The following SLC44A5 variants were observed in gnomAD, a reference collection of about 807,000 sequenced individuals.
The protein encoded by SLC44A5 is solute carrier family 44 member 5, also known as choline transporter-like protein 5.
SLC44A5 carries 57 observed loss-of-function variants against 101.8 expected under a neutral mutation model. The ratio of observed to expected loss-of-function variants is 0.56; its 90% CI spans 0.45 to 0.70. The LOEUF (loss-of-function observed/expected upper bound fraction) is 0.70, where lower values mean the gene tolerates loss of function less well. Ranked by LOEUF, SLC44A5 falls within the 30% of genes least tolerant of loss-of-function variation. The probability of loss-of-function intolerance (pLI) is 0.00; values close to 1 mark genes in which losing one functional copy is unlikely to be tolerated. For missense variants in SLC44A5, 737 were observed against 853.1 expected, an observed-to-expected ratio of 0.86 and a Z score of 1.70; for synonymous variants, 281 against 290.9, an observed-to-expected ratio of 0.97 and a Z score of 0.35.
At chr1:75,263,814 G>A (rs537927557) in intron 6 of SLC44A5, among the ~76,000 whole-genome samples, 9 of 152,176 alleles carry the variant, frequency 5.9e-5, no homozygotes, top group Non-Finnish European at 1.3e-4. Context: ...AAAAGGATGA[G>A]CTCATGTCCT....
intron 1 of SLC44A5, among the ~76,000 whole-genome samples, chr1:75,606,588 A>T (rs1180083577): frequency 6.6e-6 from 1 of 151,834 alleles, no homozygotes; most frequent in East Asian, 1.9e-4. Context: ...AACCCTTCAA[A>T]ACAGTTAACT....
At chr1:75,439,397 A>G (rs549167609) in intron 2 of SLC44A5, among the ~76,000 whole-genome samples, 1 of 152,272 alleles carries the variant, frequency 6.6e-6, no homozygotes, top group South Asian at 2.1e-4. Flanking sequence ...AAACTTTTAT[A>G]AATTAAAAAC....
Position 75,535,077 on chromosome 1 carries a change from T to C in SLC44A5, c.13+6358A>G, listed in dbSNP as rs976070568. Among the ~76,000 whole-genome samples the C allele has an allele frequency of 1.6e-4, 25 of 152,040 alleles. No homozygotes were observed. The South Asian group carries it at 5.0e-3, about 30-fold the overall frequency. ...CTTACTATAATTGAAGCTGCTTTTTTTTTTTTTTTTTTAAAGAAAAATCAT... is the reference window on the plus strand; with the variant it reads ...CTTACTATAATTGAAGCTGCTTTTTCTTTTTTTTTTTTAAAGAAAAATCAT... On this transcript the variant is annotated intron_variant, in intron 2 of 23. Coordinates refer to ENST00000370859, the MANE Select transcript of SLC44A5 (RefSeq NM_001130058.2).
chr1:75,466,481 C>G (rs1386269692), intron 2 of SLC44A5, among the ~76,000 whole-genome samples: 1 of 151,772 alleles, frequency 6.6e-6, no homozygotes, highest in Non-Finnish European at 1.5e-5. Context: ...ATAGTGAAAC[C>G]CTGTCTCTAC....
At chr1:75,424,334 C>A (rs576275274) in intron 2 of SLC44A5, among the ~76,000 whole-genome samples, 1 of 152,114 alleles carries the variant, frequency 6.6e-6, no homozygotes, top group Non-Finnish European at 1.5e-5. Context: ...GAGATGGAGT[C>A]TCGCTCTGTC....
chr1:75,504,319 G>A (rs369121051), intron 2 of SLC44A5, among the ~76,000 whole-genome samples: 4 of 152,088 alleles, frequency 2.6e-5, no homozygotes, highest in African/African-American at 9.7e-5. Flanking sequence ...TAGTAATTGG[G>A]AAGGGGCATT....
chr1:75,582,375 A>C, intron 1 of SLC44A5: 2 of 915,610 alleles, frequency 2.2e-6, no homozygotes, highest in Non-Finnish European at 1.7e-6. Context: ...CACAAGCTCC[A>C]TCGACTTGCC....
At chr1:75,434,027 C>A (rs1664754943) in intron 2 of SLC44A5, among the ~76,000 whole-genome samples, 1 of 151,934 alleles carries the variant, frequency 6.6e-6, no homozygotes, top group Non-Finnish European at 1.5e-5. Context: ...TCCAACTGGG[C>A]CCCTCCCGCA....
intron 5 of SLC44A5, among the ~76,000 whole-genome samples, chr1:75,281,636 G>GCCACCCCCCC (rs1652571453): frequency 4.0e-5 from 2 of 49,458 alleles, no homozygotes; most frequent in African/African-American, 1.1e-4. Flanking sequence ...CTGGTGCCAG[G>GCCACCCCCCC]CCCCCCCCCC....
chr1:75,698,472 G>A, the SLC44A5 span, among the ~76,000 whole-genome samples: 1 of 152,146 alleles, frequency 6.6e-6, no homozygotes, highest in Non-Finnish European at 1.5e-5. Flanking sequence ...CTAACAAACA[G>A]AAAGGGTATC....
chr1:75,345,937 G>A (rs1201739308), intron 3 of SLC44A5, among the ~76,000 whole-genome samples: 1 of 152,162 alleles, frequency 6.6e-6, no homozygotes. Flanking sequence ...ATGCCTGGCT[G>A]AGGCTGTAGC....
At chr1:75,716,051 T>C in the SLC44A5 span, among the ~76,000 whole-genome samples, 3 of 152,106 alleles carry the variant, frequency 2.0e-5, no homozygotes, top group African/African-American at 4.8e-5. Flanking sequence ...CCAACAAGCA[T>C]ATGAAAAAAT....
At chr1:75,570,154 A>G (rs1437730499) in intron 1 of SLC44A5, among the ~76,000 whole-genome samples, 1 of 152,232 alleles carries the variant, frequency 6.6e-6, no homozygotes, top group Non-Finnish European at 1.5e-5. Context: ...AGCAAGCTCT[A>G]CATCCAGACA....
chr1:75,641,850 C>A, the SLC44A5 span: 2 of 1,509,918 alleles, frequency 1.3e-6, no homozygotes, highest in African/African-American at 2.8e-5. Flanking sequence ...ATAACCTCCT[C>A]TTCAAATACC....
In SLC44A5 at chr1:75,214,639, C is replaced by T. The variant is rs754303886; in HGVS notation, c.1768G>A (p.Asp590Asn). ...TTTCTCATCAGCAGATTGAAAGCATCTTTTGCTGACCTGCAGAAGTTTCTG... is the reference window on the plus strand; with the variant it reads ...TTTCTCATCAGCAGATTGAAAGCATTTTTTGCTGACCTGCAGAAGTTTCTG... ...YGRNFCRSAK[D>N]AFNLLMRNVL... The change falls in exon 20 of 24, where the codon GAT becomes AAT. Residue 590 changes from aspartate (D) to asparagine (N), a missense_variant. Transcript: ENST00000370859. 1.2e-6 allele frequency: 2 copies of T among 1,611,848 alleles called. No homozygotes were observed. The highest frequency in any genetic ancestry group is 1.7e-4 in the Middle Eastern group (1 of 6,048).
chr1:75,527,847 C>T (rs1409516497), intron 2 of SLC44A5, among the ~76,000 whole-genome samples: 1 of 152,194 alleles, frequency 6.6e-6, no homozygotes, highest in Non-Finnish European at 1.5e-5. Context: ...ATCACATATA[C>T]GATTGCAGCA....
chr1:75,368,672 CCA>C (rs373678263), intron 3 of SLC44A5, among the ~76,000 whole-genome samples: 39 of 147,564 alleles, frequency 2.6e-4, no homozygotes, highest in East Asian at 1.0e-3. Flanking sequence ...CACACACACA[CCA>C]CACTCAAATT....
intron 20 of SLC44A5, among the ~76,000 whole-genome samples, chr1:75,214,222 C>T (rs971327748): frequency 2.0e-5 from 3 of 152,030 alleles, no homozygotes; most frequent in African/African-American, 7.2e-5. Flanking sequence ...GTGGTGGTGT[C>T]AGCCTCTCTG....
chr1:75,669,443 T>C, the SLC44A5 span, among the ~76,000 whole-genome samples: 1 of 152,188 alleles, frequency 6.6e-6, no homozygotes, highest in Admixed American at 6.5e-5. Flanking sequence ...CCCTAGAGTG[T>C]ATTACCTTTA....
Sources: allele counts gnomAD v4.1 joint callset (sites outside exome capture counted in the v4.1 genomes callset), GRCh38; gene constraint gnomAD v4.1.1; transcripts MANE v1.5; gene names NCBI Gene and HGNC (gene_info 2026-07-23, HGNC 2026-07-21).